WDR59: variants seen among roughly 807,000 people sequenced by gnomAD.
The protein encoded by WDR59 is WD repeat domain 59.
Under a neutral mutation model 131.2 loss-of-function variants are expected in WDR59, and 100 were observed. The observed-to-expected ratio is 0.76, with a 90% CI of 0.65 to 0.90. The LOEUF is 0.90. Ranked by LOEUF, WDR59 falls within the 40% of genes least tolerant of loss-of-function variation. The probability of loss-of-function intolerance (pLI) is 0.00; values close to 1 mark genes in which losing one functional copy is unlikely to be tolerated. For missense variants in WDR59, 1,203 were observed against 1,262.2 expected, an observed-to-expected ratio of 0.95 and a Z score of 0.71; for synonymous variants, 601 against 466.2, an observed-to-expected ratio of 1.29 and a Z score of -3.72.
At chr16:74,974,323 AGAG>A (rs1353516037) in intron 1 of WDR59, among the ~76,000 whole-genome samples, 1 of 152,170 alleles carries the variant, frequency 6.6e-6, no homozygotes, top group East Asian at 1.9e-4. Context: ...ATGACAGGGC[AGAG>A]GAGAGGGCTA....
At chr16:74,948,420 G>T in intron 6 of WDR59, 99 bp downstream of exon 6, 1 of 1,118,604 alleles carries the variant, frequency 8.9e-7, no homozygotes, top group Non-Finnish European at 1.4e-6. Context: ...AGTTAGAGAG[G>T]GAGATGGAAA....
intron 4 of WDR59, 109 bp from the exon 5 acceptor site, chr16:74,949,907 G>T: frequency 3.1e-6 from 3 of 969,768 alleles, no homozygotes; most frequent in Non-Finnish European, 4.9e-6. Flanking sequence ...CATCATTAAC[G>T]GGCTTCTTAA....
chr16:74,931,361 G>A (rs974858297), intron 8 of WDR59, among the ~76,000 whole-genome samples: 1 of 151,962 alleles, frequency 6.6e-6, no homozygotes, highest in African/African-American at 2.4e-5. Flanking sequence ...TTTGAGAGAT[G>A]GTATCCCTTT....
At position 74,873,381 on chromosome 16, in the gene WDR59, GTCC is replaced by G. The variant is rs1258907909; in HGVS notation, c.*825_*827del. The G allele has an allele frequency of 6.6e-6, 1 of 152,174 alleles. No homozygotes were observed. The highest frequency in any genetic ancestry group is 2.4e-5 in the African/African-American group (1 of 41,438). 9.4% of individuals were successfully genotyped at this position (152,174 alleles called of 1,614,324 possible). On this transcript the variant is annotated 3_prime_UTR_variant, in exon 26 of 26. Transcript: ENST00000262144. Reference sequence around the variant, plus strand: ...TCTATCCATGCTGCACGGCAATCTTGTCCTCCTTTTGCTAGAAGAAATAAGACT... The same window carrying G: ...TCTATCCATGCTGCACGGCAATCTTGTCCTTTTGCTAGAAGAAATAAGACT...
At chr16:74,904,595 C>T (rs2144892615) in intron 17 of WDR59, among the ~76,000 whole-genome samples, 1 of 152,282 alleles carries the variant, frequency 6.6e-6, no homozygotes, top group Non-Finnish European at 1.5e-5. Context: ...CATCAATTTT[C>T]TCTAAATTGA....
Position 74,904,048 on chromosome 16 carries a change from T to A in WDR59, c.1765A>T (p.Ile589Phe). The A allele has an allele frequency of 6.2e-7, 1 of 1,613,410 alleles. No homozygotes were observed. The highest frequency in any genetic ancestry group is 2.2e-5 in the East Asian group (1 of 44,866). ...YHTGLIAPMK[I>F]RTEAPGNLRL... Reference sequence around the variant, plus strand: ...AGGTTCCCAGGGGCCTCTGTGCGGATCTTCATGGGCGCGATCAAGCCAGTG... The same window carrying A: ...AGGTTCCCAGGGGCCTCTGTGCGGAACTTCATGGGCGCGATCAAGCCAGTG... The change falls in exon 18 of 26, where the codon ATC (isoleucine) becomes TTC (phenylalanine). Residue 589 changes from isoleucine to phenylalanine, a missense_variant. By Grantham distance (21) the Ile-to-Phe change is conservative (BLOSUM62 0). Transcript: ENST00000262144.
chr16:74,877,036 G>C (rs1156387078), intron 25 of WDR59, among the ~76,000 whole-genome samples: 1 of 152,042 alleles, frequency 6.6e-6, no homozygotes, highest in South Asian at 2.1e-4. Context: ...AAATTGCAAA[G>C]CAGATACCAC....
Position 74,904,113 on chromosome 16 carries a change from A to G in WDR59, c.1713-13T>C. 6.2e-7 allele frequency: 1 copy of G among 1,609,460 alleles called. No homozygotes were observed. The highest frequency in any genetic ancestry group is 8.5e-7 in the Non-Finnish European group (1 of 1,177,874). On this transcript the variant is annotated splice_polypyrimidine_tract_variant and intron_variant, in intron 17 of 25. Coordinates refer to ENST00000262144, the MANE Select transcript of WDR59 (RefSeq NM_030581.4). The stretch of plus-strand genomic sequence containing the variant: ...GGCTGAGAGAGATCTGTAGTTGAAA[A>G]TGATAATTATCCACACTGGCTGCAG...
Position 74,951,471 on chromosome 16 carries a change from T to C in WDR59, c.313A>G (p.Thr105Ala). Reference sequence around the variant, plus strand: ...GCTGGTGCCTACCTGATGACACGAGTGTGGCCTTGTAAGGTTGTGCCAACT... The same window carrying C: ...GCTGGTGCCTACCTGATGACACGAGCGTGGCCTTGTAAGGTTGTGCCAACT... ...GEVGTTLQGH[T>A]RVISDLDWAV... The change falls in exon 4 of 26, where the codon ACT becomes GCT. Residue 105 changes from threonine (T) to alanine (A), a missense_variant. Physicochemically the swap from Thr to Ala is moderately conservative, Grantham distance 58 (BLOSUM62 0). Coordinates refer to ENST00000262144, the MANE Select transcript of WDR59 (RefSeq NM_030581.4). 1 of 1,600,000 alleles carries C rather than the reference T, an allele frequency of 6.3e-7. No homozygotes were observed. The highest frequency in any genetic ancestry group is 8.5e-7 in the Non-Finnish European group (1 of 1,173,836).
intron 1 of WDR59, among the ~76,000 whole-genome samples, chr16:74,980,051 G>A (rs2034341623): frequency 6.6e-6 from 1 of 151,132 alleles, no homozygotes; most frequent in Admixed American, 6.7e-5. Context: ...AGTAGAAACG[G>A]GCTTTCACCA....
At position 74,919,938 on chromosome 16, in the gene WDR59, G is replaced by A. The variant is rs151064457; in HGVS notation, c.887-1930C>T. On this transcript the variant is annotated intron_variant, in intron 10 of 25. Coordinates refer to ENST00000262144, the MANE Select transcript of WDR59 (RefSeq NM_030581.4). ...ATACAAAAAATTAGCTGGCATGGTGGCACACTCCTGTAGTGCCAGCTACTC... is the reference window on the plus strand; with the variant it reads ...ATACAAAAAATTAGCTGGCATGGTGACACACTCCTGTAGTGCCAGCTACTC... Among the ~76,000 whole-genome samples the A allele has an allele frequency of 1.9e-3, 296 of 152,250 alleles. 1 individual carries two copies. The highest frequency in any genetic ancestry group is 6.7e-3 in the African/African-American group (279 of 41,550).
intron 18 of WDR59, among the ~76,000 whole-genome samples, chr16:74,900,935 A>G (rs1290992842): frequency 6.6e-6 from 1 of 152,216 alleles, no homozygotes; most frequent in African/African-American, 2.4e-5. Flanking sequence ...CGTGGCCAAC[A>G]TGGTGAAACC....
At chr16:74,905,436 C>T (rs1008727859) in intron 17 of WDR59, among the ~76,000 whole-genome samples, 1 of 151,712 alleles carries the variant, frequency 6.6e-6, no homozygotes, top group Non-Finnish European at 1.5e-5. Context: ...AATCCCAGCA[C>T]TTTGGAAGGC....
intron 9 of WDR59, among the ~76,000 whole-genome samples, chr16:74,923,214 T>C (rs1053487581): frequency 1.3e-5 from 2 of 152,186 alleles, no homozygotes; most frequent in African/African-American, 4.8e-5. Context: ...AAATTTCTGC[T>C]CAAAAACATC....
chr16:74,967,380 C>T (rs952394998), intron 1 of WDR59, among the ~76,000 whole-genome samples: 2 of 152,182 alleles, frequency 1.3e-5, no homozygotes, highest in Non-Finnish European at 2.9e-5. Context: ...GATGGTTCCT[C>T]TAACAAGATC....
intron 2 of WDR59, among the ~76,000 whole-genome samples, chr16:74,961,522 T>A (rs939681952): frequency 2.0e-5 from 3 of 152,216 alleles, no homozygotes; most frequent in African/African-American, 7.2e-5. Flanking sequence ...CATTGTGGTT[T>A]TGATTTGCAT....
intron 7 of WDR59, among the ~76,000 whole-genome samples, chr16:74,942,178 C>T (rs72798653): frequency 0.019 from 2,853 of 152,258 alleles, 50 homozygotes; most frequent in Middle Eastern, 0.054. Context: ...TGTCCATGGG[C>T]TGCTGCAGTA....
chr16:74,959,682 T>A, intron 2 of WDR59: 1 of 327,500 alleles, frequency 3.1e-6, no homozygotes, highest in Admixed American at 4.2e-5. Flanking sequence ...CTGAGAAGGC[T>A]GAGATGGGAG....
At chr16:74,984,770 A>G (rs2034557789) in intron 1 of WDR59, 194 bp downstream of exon 1, 2 of 709,624 alleles carry the variant, frequency 2.8e-6, no homozygotes, top group Admixed American at 2.9e-5. Context: ...AACTCCGTCC[A>G]TGCTCGCCCC....
Sources: gnomAD v4.1 joint callset for allele counts (sites outside exome capture counted in the v4.1 genomes callset) on GRCh38, gnomAD v4.1.1 for gene constraint, MANE v1.5 for transcripts, NCBI Gene and HGNC (gene_info 2026-07-23, HGNC 2026-07-21) for gene names.